Variants in VAX2 observed in about 807,000 individuals in gnomAD.
VAX2 encodes ventral anterior homeobox 2.
VAX2 carries 8 observed loss-of-function variants against 12.5 expected under a neutral mutation model. The ratio of observed to expected loss-of-function variants is 0.64; its 90% CI spans 0.37 to 1.15. The LOEUF (loss-of-function observed/expected upper bound fraction) is 1.15. Ranked by LOEUF, VAX2 falls within the 50% of genes most tolerant of loss-of-function variation. The probability of loss-of-function intolerance (pLI) is 0.01; values close to 1 mark genes in which losing one functional copy is unlikely to be tolerated. For synonymous variants in VAX2, 183 were observed against 187.6 expected (o/e 0.98, Z 0.20); for missense variants, 476 against 412.9 (o/e 1.15, Z -1.32).
intron 1 of VAX2, among the ~76,000 whole-genome samples, chr2:70,917,672 G>A (rs998833093): frequency 6.6e-6 from 1 of 152,166 alleles, no homozygotes; most frequent in Non-Finnish European, 1.5e-5. Flanking sequence ...CAAGTCTGAG[G>A]TTGCCTTTCT....
chr2:70,909,321 A>G (rs1201228273), intron 1 of VAX2, among the ~76,000 whole-genome samples: 1 of 151,542 alleles, frequency 6.6e-6, no homozygotes, highest in Non-Finnish European at 1.5e-5. Flanking sequence ...ACTCCCCACA[A>G]TGCTGGCCTA....
At chr2:70,920,668 C>CAT (rs1341895058) in intron 1 of VAX2, among the ~76,000 whole-genome samples, 1 of 151,770 alleles carries the variant, frequency 6.6e-6, no homozygotes, top group Non-Finnish European at 1.5e-5. Flanking sequence ...CACACACACA[C>CAT]GCACAGCTTA....
chr2:70,910,496 T>A (rs1174492606), intron 1 of VAX2, among the ~76,000 whole-genome samples: 1 of 152,138 alleles, frequency 6.6e-6, no homozygotes, highest in Non-Finnish European at 1.5e-5. Flanking sequence ...GTGTCATTTC[T>A]CTACGTCCTC....
intron 2 of VAX2, among the ~76,000 whole-genome samples, chr2:70,923,017 TAG>T (rs1491277067): frequency 3.0e-5 from 3 of 98,858 alleles, no homozygotes; most frequent in East Asian, 3.3e-4. Flanking sequence ...GAGAGACAGA[TAG>T]TGTGTGTGTG....
Position 70,921,240 on chromosome 2 carries a change from C to CGA in VAX2, c.392_393dup (p.Arg132SerfsTer9). 1 of 1,613,174 alleles carries CGA rather than the reference C, an allele frequency of 6.2e-7. No individual in the cohort carries two copies. Among genetic ancestry groups the CGA allele is most frequent in the Non-Finnish European group, 8.5e-7 (1 of 1,179,748 alleles). ...AGCGCTGCCAGTATGTGGTGGGCCG[C>CGA]GAGCGCACTGAGCTGGCCCGCCAGC... On this transcript the variant is annotated frameshift_variant, in exon 2 of 3. Transcript: ENST00000234392. LOFTEE classifies it low-confidence loss of function (END_TRUNC).
chr2:70,921,467 C>T (rs1679457823), intron 2 of VAX2, among the ~76,000 whole-genome samples, 182 bp downstream of exon 2: 1 of 152,098 alleles, frequency 6.6e-6, no homozygotes, highest in Non-Finnish European at 1.5e-5. Context: ...TAGCGCCGAC[C>T]ACAGACAGTC....
intron 1 of VAX2, among the ~76,000 whole-genome samples, chr2:70,906,303 T>C (rs1042842991): frequency 6.6e-6 from 1 of 152,130 alleles, no homozygotes; most frequent in African/African-American, 2.4e-5. Flanking sequence ...ACTGGGGACA[T>C]TCAGCACTGC....
In VAX2 at chr2:70,933,312, A is replaced by C; in HGVS notation, c.*108A>C. 6.3e-6 allele frequency: 7 copies of C among 1,103,232 alleles called. No individual in the cohort carries two copies. Among genetic ancestry groups the C allele is most frequent in the East Asian group, 3.2e-5 (1 of 31,602 alleles). The allele number at this position is 1,103,232 out of a possible 1,614,324, so 68.3% of individuals were successfully genotyped here. Reference sequence around the variant, plus strand: ...CGGAGAGGAGGGGCTGCAGCCACACACTCTTCCCCACCTGCCCCCCAGCTC... The same window carrying C: ...CGGAGAGGAGGGGCTGCAGCCACACCCTCTTCCCCACCTGCCCCCCAGCTC... On this transcript the variant is annotated 3_prime_UTR_variant, in exon 3 of 3. Coordinates refer to ENST00000234392, the MANE Select transcript of VAX2 (RefSeq NM_012476.3).
At chr2:70,903,688 A>G (rs1678984405) in intron 1 of VAX2, among the ~76,000 whole-genome samples, 1 of 152,222 alleles carries the variant, frequency 6.6e-6, no homozygotes, top group African/African-American at 2.4e-5. Flanking sequence ...ATTTGTTGAC[A>G]GAAGGAAGGG....
In VAX2 at chr2:70,933,124, G is replaced by T. The variant is rs782213520; in HGVS notation, c.793G>T (p.Gly265Cys). 5.0e-6 allele frequency: 8 copies of T among 1,606,502 alleles called. No individual in the cohort carries two copies. In the South Asian group the frequency reaches 6.7e-5, roughly 13 times the overall value. ...GGATCTGCCTGCCGGCTACGAACTG[G>T]GTTCCTCGGCCTTCGAGCCATACAG... ...LLDLPAGYEL[G>C]SSAFEPYSWL... The change falls in exon 3 of 3, where the codon GGT (glycine) becomes TGT (cysteine). Residue 265 changes from glycine to cysteine, a missense_variant. Coordinates refer to ENST00000234392, the MANE Select transcript of VAX2 (RefSeq NM_012476.3).
In VAX2 at chr2:70,933,196, A is replaced by G; in HGVS notation, c.865A>G (p.Asn289Asp). 6.6e-7 allele frequency: 1 copy of G among 1,522,522 alleles called. No individual in the cohort carries two copies. The highest frequency in any genetic ancestry group is 8.8e-7 in the Non-Finnish European group (1 of 1,136,372). The allele number at this position is 1,522,522 out of a possible 1,614,324, so 94.3% of individuals were successfully genotyped here. ...CAGCGCCAGCAGCTGCAAGAAAGCT[A>G]ACACTTAAGACTCCCACCCTGTGAC... The part of the protein sequence containing the change: ...VGSASSCKKA[N>D]T The change falls in exon 3 of 3, where the codon AAC (asparagine) becomes GAC (aspartate). Residue 289 changes from asparagine (N) to aspartate (D), a missense_variant. Physicochemically the swap from Asn to Asp is conservative, Grantham distance 23. Coordinates refer to ENST00000234392, the MANE Select transcript of VAX2 (RefSeq NM_012476.3).
chr2:70,932,118 C>T (rs1981719), intron 2 of VAX2, among the ~76,000 whole-genome samples: 93,520 of 151,984 alleles, frequency 0.62, 28,947 homozygotes, highest in East Asian at 0.63. Flanking sequence ...GACAATGCCA[C>T]GGTCCAGGTC....
chr2:70,933,082 T>G lies in VAX2; in HGVS notation c.751T>G (p.Ser251Ala). 1 of 1,609,920 alleles carries G rather than the reference T, an allele frequency of 6.2e-7. No individual in the cohort carries two copies. Among genetic ancestry groups the G allele is most frequent in the Non-Finnish European group, 8.5e-7 (1 of 1,178,340 alleles). ...LPPPLPAVCF[S>A]SAPLLDLPAG... The stretch of plus-strand genomic sequence containing the variant: ...GCCCCCTCTGCCAGCTGTCTGCTTT[T>G]CCTCGGCCCCGCTCCTGGATCTGCC... The change falls in exon 3 of 3, where the codon TCC becomes GCC. Residue 251 changes from serine (S) to alanine (A), a missense_variant. Transcript: ENST00000234392.
At chr2:70,913,731 T>C (rs1679247715) in intron 1 of VAX2, among the ~76,000 whole-genome samples, 1 of 152,060 alleles carries the variant, frequency 6.6e-6, no homozygotes, top group Admixed American at 6.6e-5. Flanking sequence ...AACTTTACAT[T>C]TATTATCTGT....
At chr2:70,923,366 G>A (rs368513351) in intron 2 of VAX2, among the ~76,000 whole-genome samples, 1 of 152,336 alleles carries the variant, frequency 6.6e-6, no homozygotes, top group African/African-American at 2.4e-5. Flanking sequence ...GGATACGTGT[G>A]AGATTTTTCT....
chr2:70,925,842 C>T (rs1200306312), intron 2 of VAX2, among the ~76,000 whole-genome samples: 2 of 152,324 alleles, frequency 1.3e-5, no homozygotes, highest in East Asian at 1.9e-4. Flanking sequence ...CAGTGCTCTG[C>T]TGAGTATGTG....
At chr2:70,924,591 A>G (rs1679528609) in intron 2 of VAX2, among the ~76,000 whole-genome samples, 1 of 152,182 alleles carries the variant, frequency 6.6e-6, no homozygotes, top group Admixed American at 6.5e-5. Flanking sequence ...GGGTGCATTC[A>G]TGGGTAATAG....
At chr2:70,930,853 C>T (rs1679679048) in intron 2 of VAX2, among the ~76,000 whole-genome samples, 1 of 152,240 alleles carries the variant, frequency 6.6e-6, no homozygotes, top group Non-Finnish European at 1.5e-5. Flanking sequence ...TTATTGGGCC[C>T]TCCCCTCCAC....
chr2:70,927,365 C>G (rs782227449), intron 2 of VAX2, among the ~76,000 whole-genome samples: 1 of 151,868 alleles, frequency 6.6e-6, no homozygotes, highest in African/African-American at 2.4e-5. Context: ...AATATCCCCC[C>G]GGGATGCCCA....
Sources: allele counts gnomAD v4.1 joint callset (sites outside exome capture counted in the v4.1 genomes callset), GRCh38; gene constraint gnomAD v4.1.1; transcripts MANE v1.5; gene names NCBI Gene and HGNC (gene_info 2026-07-23, HGNC 2026-07-21).